ACTN2: variants seen among roughly 807,000 people sequenced by gnomAD.
The protein encoded by ACTN2 is alpha-actinin-2.
Under a neutral mutation model 113.8 loss-of-function variants are expected in ACTN2, and 39 were observed. The ratio of observed to expected loss-of-function variants is 0.34; its 90% CI spans 0.27 to 0.45. ACTN2 has a LOEUF of 0.45. Among genes scored for constraint, ACTN2 ranks in the 20% least tolerant of loss-of-function variants. The pLI is 1.00. For missense variants in ACTN2, 992 were observed against 1,177.9 expected (o/e 0.84, Z 2.31); for synonymous variants, 429 against 444.1 (o/e 0.97, Z 0.43).
chr1:236,712,834 G>C (rs1316613442), intron 1 of ACTN2, among the ~76,000 whole-genome samples: 1 of 151,722 alleles, frequency 6.6e-6, no homozygotes, highest in Non-Finnish European at 1.5e-5. Context: ...ACTTTCACCA[G>C]CAATATTTGC....
At chr1:236,690,316 G>T (rs1011250022) in intron 1 of ACTN2, among the ~76,000 whole-genome samples, 1 of 152,186 alleles carries the variant, frequency 6.6e-6, no homozygotes, top group Non-Finnish European at 1.5e-5. Flanking sequence ...AGAGCACAAG[G>T]TGAAGGCTCT....
intron 19 of ACTN2, among the ~76,000 whole-genome samples, chr1:236,760,269 AAAGC>A (rs1477038871): frequency 4.6e-5 from 7 of 152,126 alleles, no homozygotes; most frequent in Non-Finnish European, 7.4e-5. Flanking sequence ...TCACAGAACC[AAAGC>A]ATTTATTTTT....
At chr1:236,691,719 T>C (rs1288951722) in intron 1 of ACTN2, among the ~76,000 whole-genome samples, 1 of 152,180 alleles carries the variant, frequency 6.6e-6, no homozygotes, top group Admixed American at 6.5e-5. Context: ...TTACATCCCT[T>C]CACTCACCCT....
chr1:236,707,709 C>CTTTTTTTTTTTTTTTTTTTTTTTT (rs5781919), intron 1 of ACTN2, among the ~76,000 whole-genome samples: 2 of 78,768 alleles, frequency 2.5e-5, no homozygotes, highest in African/African-American at 5.0e-5. Flanking sequence ...TCTTTTTTTT[C>CTTTTTTTTTTTTTTTTTTTTTTTT]TTTTTTTTTT....
At chr1:236,739,669 C>A in intron 10 of ACTN2, 137 bp downstream of exon 10, 4 of 1,045,268 alleles carry the variant, frequency 3.8e-6, no homozygotes, top group Non-Finnish European at 4.3e-6. Flanking sequence ...GGCCCTGTAA[C>A]CACTTTGTTC....
At chr1:236,693,183 A>G (rs866585510) in intron 1 of ACTN2, among the ~76,000 whole-genome samples, 1,933 of 28,064 alleles carry the variant, frequency 0.069, 71 homozygotes, top group Admixed American at 0.32. Context: ...ACATGCACAC[A>G]CACACACACA....
At chr1:236,720,812 C>A (rs182233141) in intron 4 of ACTN2, among the ~76,000 whole-genome samples, 6 of 152,124 alleles carry the variant, frequency 3.9e-5, no homozygotes, top group Admixed American at 2.6e-4. Context: ...AATTGGCATT[C>A]TTAAAATTGG....
intron 9 of ACTN2, among the ~76,000 whole-genome samples, chr1:236,738,735 T>G (rs560914614): frequency 1.3e-5 from 2 of 152,362 alleles, no homozygotes; most frequent in Admixed American, 6.5e-5. Flanking sequence ...TATTTTGTCC[T>G]TAGGGATTCA....
chr1:236,690,138 C>T (rs1666028889), intron 1 of ACTN2, among the ~76,000 whole-genome samples: 1 of 152,176 alleles, frequency 6.6e-6, no homozygotes, highest in Admixed American at 6.5e-5. Flanking sequence ...CACCTTGGAG[C>T]ACCTCCTGTC....
intron 1 of ACTN2, among the ~76,000 whole-genome samples, chr1:236,706,866 G>A (rs1457324523): frequency 1.3e-5 from 2 of 152,210 alleles, no homozygotes; most frequent in African/African-American, 2.4e-5. Context: ...CCTGCTGGGT[G>A]CTGGGTTTTC....
intron 7 of ACTN2, among the ~76,000 whole-genome samples, chr1:236,732,570 G>A (rs1013703401): frequency 5.9e-5 from 9 of 151,974 alleles, no homozygotes; most frequent in African/African-American, 2.2e-4. Context: ...AGCCTCCTGA[G>A]TAGCTGGGAT....
intron 1 of ACTN2, among the ~76,000 whole-genome samples, chr1:236,710,325 C>CA (rs1403798015): frequency 5.3e-5 from 8 of 152,228 alleles, no homozygotes; most frequent in Non-Finnish European, 7.3e-5. Context: ...GATTGAATAA[C>CA]ACTGGTTTGT....
chr1:236,746,165 C>CAAAAAAAAAAA (rs55953102), intron 12 of ACTN2, among the ~76,000 whole-genome samples: 2 of 80,406 alleles, frequency 2.5e-5, no homozygotes, highest in African/African-American at 4.5e-5. Flanking sequence ...GACTCCATCT[C>CAAAAAAAAAAA]AAAAAAAAAA....
intron 1 of ACTN2, among the ~76,000 whole-genome samples, chr1:236,707,709 C>CTTTTTTTTTTTTTT (rs5781919): frequency 1.3e-4 from 10 of 78,748 alleles, no homozygotes; most frequent in South Asian, 5.4e-4. Flanking sequence ...TCTTTTTTTT[C>CTTTTTTTTTTTTTT]TTTTTTTTTT....
intron 1 of ACTN2, among the ~76,000 whole-genome samples, chr1:236,716,611 G>T (rs914101121): frequency 2.6e-5 from 4 of 152,022 alleles, no homozygotes; most frequent in Non-Finnish European, 5.9e-5. Context: ...TGAGATCCAG[G>T]ATGTAGTCCA....
At chr1:236,751,089 CAAAAAAAAAAAAAAA>C (rs71178349) in intron 14 of ACTN2, among the ~76,000 whole-genome samples, 3 of 60,310 alleles carry the variant, frequency 5.0e-5, no homozygotes, top group Non-Finnish European at 8.7e-5. Context: ...GACCCTGTCT[CAAAAAAAAAAAAAAA>C]AAAAAAAAAA....
chr1:236,717,792 C>T lies in ACTN2; in HGVS notation c.127-66C>T, dbSNP rs923138096. ...CAAGAACGTGTAAGGTGTCAAGTGT[C>T]GTCTGTGAGGAAGGGATCTGAAATC... On this transcript the variant is annotated intron_variant, in intron 1 of 20. Coordinates refer to ENST00000366578, the MANE Select transcript of ACTN2 (RefSeq NM_001103.4). 127 of 1,111,180 alleles carry T rather than the reference C, an allele frequency of 1.1e-4. 1 individual carries two copies. The East Asian group carries it at 2.6e-3, about 23-fold the overall frequency. The allele number at this position is 1,111,180 out of a possible 1,614,324, so 68.8% of individuals were successfully genotyped here. A position where few individuals can be genotyped will look rare whatever the true frequency, so the allele number is the denominator to read the frequency against.
At chr1:236,727,554 C>A (rs1409097450) in intron 5 of ACTN2, 124 bp from the exon 6 acceptor site, 2 of 947,210 alleles carry the variant, frequency 2.1e-6, no homozygotes, top group Non-Finnish European at 1.7e-6. Context: ...AAAGAGGAAG[C>A]TACATGGGGC....
intron 4 of ACTN2, among the ~76,000 whole-genome samples, chr1:236,725,377 C>G (rs1558235110): frequency 6.6e-6 from 1 of 152,150 alleles, no homozygotes; most frequent in Non-Finnish European, 1.5e-5. Flanking sequence ...CCTAAAATCC[C>G]AGCACTTTGG....
Sources: gnomAD v4.1 joint callset for allele counts (sites outside exome capture counted in the v4.1 genomes callset) on GRCh38, gnomAD v4.1.1 for gene constraint, MANE v1.5 for transcripts, NCBI Gene and HGNC (gene_info 2026-07-23, HGNC 2026-07-21) for gene names.